The following UFL1 variants were observed in gnomAD, a reference collection of about 807,000 sequenced individuals.
The protein encoded by UFL1 is UFM1 specific ligase 1, also known as E3 UFM1-protein ligase 1.
A neutral mutation model predicts 99.3 loss-of-function variants in UFL1; 78 were observed. The observed-to-expected ratio is 0.79, with a 90% CI of 0.65 to 0.95. UFL1 has a LOEUF of 0.95. UFL1 is among the 40% of genes least tolerant of loss of function. The pLI is 0.00. For missense variants in UFL1, 936 were observed against 937.0 expected (o/e 1.00, Z 0.01); for synonymous variants, 335 against 322.2 (o/e 1.04, Z -0.42).
At chr6:96,533,351 T>C (rs1769809412) in intron 6 of UFL1, among the ~76,000 whole-genome samples, 1 of 152,104 alleles carries the variant, frequency 6.6e-6, no homozygotes, top group Non-Finnish European at 1.5e-5. Context: ...AGAAATAGTT[T>C]ACCTGTCTGT....
Position 96,553,568 on chromosome 6 carries a change from A to G in UFL1, c.*65A>G, listed in dbSNP as rs1245122883. On this transcript the variant is annotated 3_prime_UTR_variant, in exon 19 of 19. Transcript: ENST00000369278. ...CCCAAGGTTGAAGGTGAGTGGTCAC[A>G]AAAAAGTAGTCACTATACAACTCCC... 3.1e-5 allele frequency: 45 copies of G among 1,440,530 alleles called. No individual in the cohort carries two copies. Among genetic ancestry groups the G allele is most frequent in the Non-Finnish European group, 3.8e-5 (40 of 1,053,202 alleles). 89.2% of individuals were successfully genotyped at this position (1,440,530 alleles called of 1,614,324 possible). A position where few individuals can be genotyped will look rare whatever the true frequency, so the allele number is the denominator to read the frequency against.
At chr6:96,522,976 A>AC (rs1769640940) in intron 1 of UFL1, 170 bp from the exon 2 acceptor site, 1 of 494,336 alleles carries the variant, frequency 2.0e-6, no homozygotes, top group South Asian at 4.0e-5. Flanking sequence ...TTACTCTGAA[A>AC]GGTTTTTTTT....
chr6:96,533,969 A>T (rs527598028), intron 6 of UFL1, among the ~76,000 whole-genome samples: 2 of 151,986 alleles, frequency 1.3e-5, no homozygotes, highest in African/African-American at 4.8e-5. Flanking sequence ...TCCCAGACAG[A>T]AAAAACATTG....
Position 96,553,493 on chromosome 6 carries a change from C to A in UFL1, c.2375C>A (p.Thr792Lys). The part of the protein sequence containing the change: ...LVLKSRKSSV[T>K]EE ...CTCAAATCTAGGAAATCATCTGTGA[C>A]GGAAGAGTAATGATCTTAATTTACA... Residue 792 changes from threonine (T) to lysine (K), a missense_variant, in exon 19 of 19, where the codon ACG (threonine) becomes AAG (lysine). By Grantham distance (78) the Thr-to-Lys change is moderately conservative. Transcript: ENST00000369278. 2 of 1,612,796 alleles carry A rather than the reference C, an allele frequency of 1.2e-6. No individual in the cohort carries two copies. The highest frequency in any genetic ancestry group is 1.7e-6 in the Non-Finnish European group (2 of 1,179,342).
At chr6:96,551,708 A>G (rs1166073610) in intron 16 of UFL1, 130 bp from the exon 17 acceptor site, 1 of 749,406 alleles carries the variant, frequency 1.3e-6, no homozygotes, top group South Asian at 2.1e-5. Context: ...CACAATTTCT[A>G]ACTTAATGAG....
Position 96,548,260 on chromosome 6 carries a change from A to T in UFL1, c.1499A>T (p.Glu500Val). The T allele has an allele frequency of 6.3e-7, 1 of 1,599,046 alleles. No individual in the cohort carries two copies. Among genetic ancestry groups the T allele is most frequent in the Non-Finnish European group, 8.5e-7 (1 of 1,173,034 alleles). ...IQDAPEEFIS[E>V]LAEYLIKPLN... ...GATGCCCCTGAGGAGTTTATTTCGG[A>T]ACTTGCTGAGTACTTAATAAAGCAA... is the stretch of plus-strand genomic sequence containing the variant. The change falls in exon 13 of 19, where the codon GAA (glutamate) becomes GTA (valine). Residue 500 changes from glutamate (E) to valine (V), a missense_variant. Physicochemically the swap from Glu to Val is moderately radical, Grantham distance 121 (BLOSUM62 -2). Coordinates refer to ENST00000369278, the MANE Select transcript of UFL1 (RefSeq NM_015323.5).
At chr6:96,544,943 G>A (rs1003352177) in intron 12 of UFL1, among the ~76,000 whole-genome samples, 1 of 150,946 alleles carries the variant, frequency 6.6e-6, no homozygotes, top group African/African-American at 2.4e-5. Context: ...AAAAATTTAT[G>A]TTGTAATCTC....
intron 11 of UFL1, among the ~76,000 whole-genome samples, chr6:96,542,213 TTGTTTCATAA>T: frequency 6.6e-6 from 1 of 151,308 alleles, no homozygotes; most frequent in East Asian, 1.9e-4. Context: ...GTGTTTGCAT[TTGTTTCATAA>T]TTTGTTTTTT....
intron 12 of UFL1, among the ~76,000 whole-genome samples, chr6:96,546,125 G>A (rs140221391): frequency 1.3e-5 from 2 of 151,226 alleles, no homozygotes; most frequent in Non-Finnish European, 3.0e-5. Context: ...AAGCCATAAA[G>A]ACTCCTCCAA....
chr6:96,549,287 ATT>A (rs1770042274), intron 13 of UFL1, 123 bp from the exon 14 acceptor site: 2 of 733,284 alleles, frequency 2.7e-6, no homozygotes, highest in Admixed American at 7.6e-5. Context: ...CTCCAAATTA[ATT>A]TTATTTGCAT....
In UFL1 at chr6:96,542,922, T is replaced by A; in HGVS notation, c.1308T>A (p.Gly436=). The A allele has an allele frequency of 6.3e-7, 1 of 1,597,142 alleles. No individual in the cohort carries two copies. The highest frequency in any genetic ancestry group is 8.5e-7 in the Non-Finnish European group (1 of 1,171,704). ...TEGSGSMRGG[G]GGNAREYKIK... ...GCAGTGGAAGCATGAGAGGAGGAGG[T>A]GGGGGCAATGCCAGAGAGTACAAAA... Residue 436 remains glycine (G), a synonymous_variant, in exon 12 of 19, where the codon GGT becomes GGA. Coordinates refer to ENST00000369278, the MANE Select transcript of UFL1 (RefSeq NM_015323.5).
intron 18 of UFL1, among the ~76,000 whole-genome samples, 179 bp downstream of exon 18, chr6:96,552,841 A>G (rs570688179): frequency 1.3e-5 from 2 of 152,228 alleles, no homozygotes; most frequent in African/African-American, 2.4e-5. Context: ...ATAGCTCAAG[A>G]ATCTTTCAAG....
intron 9 of UFL1, among the ~76,000 whole-genome samples, chr6:96,537,920 A>T (rs1232119252): frequency 6.6e-6 from 1 of 151,842 alleles, no homozygotes; most frequent in African/African-American, 2.4e-5. Flanking sequence ...GTATTAACAC[A>T]AGCTGCCTTG....
intron 5 of UFL1, among the ~76,000 whole-genome samples, chr6:96,527,408 A>G (rs531660909): frequency 2.0e-5 from 3 of 152,118 alleles, no homozygotes; most frequent in Non-Finnish European, 4.4e-5. Context: ...TACTGAAACA[A>G]GGGAGAAGCC....
chr6:96,551,311 C>G lies in UFL1; in HGVS notation c.1819-122C>G, dbSNP rs7775634. On this transcript the variant is annotated intron_variant, in intron 15 of 18. Coordinates refer to ENST00000369278, the MANE Select transcript of UFL1 (RefSeq NM_015323.5). ...AATGTTTTTGTCTCTAATTTGAGAT[C>G]TAAAATTCAAGAATATGGTAAATTC... The G allele has an allele frequency of 2.9e-3, 1,749 of 597,026 alleles. 26 individuals carry two copies. In the African/African-American group the frequency reaches 0.032, roughly 11 times the overall value. 37.0% of individuals were successfully genotyped at this position (597,026 alleles called of 1,614,324 possible).
At chr6:96,540,786 C>A in intron 11 of UFL1, 131 bp downstream of exon 11, 2 of 1,084,122 alleles carry the variant, frequency 1.8e-6, no homozygotes, top group Non-Finnish European at 2.5e-6. Context: ...CTAATATCAA[C>A]CAAATATTTT....
chr6:96,534,219 C>A, intron 6 of UFL1, 44 bp from the exon 7 acceptor site: 1 of 1,306,936 alleles, frequency 7.7e-7, no homozygotes, highest in Non-Finnish European at 1.0e-6. Flanking sequence ...ATCTATAACA[C>A]TATAATGAGT....
chr6:96,530,673 C>A (rs1227652682), intron 6 of UFL1, among the ~76,000 whole-genome samples: 2 of 152,166 alleles, frequency 1.3e-5, no homozygotes, highest in African/African-American at 2.4e-5. Flanking sequence ...CTTTTGCATA[C>A]CCCCATCATT....
chr6:96,548,621 A>T (rs1770033693), intron 13 of UFL1, among the ~76,000 whole-genome samples: 1 of 151,736 alleles, frequency 6.6e-6, no homozygotes, highest in African/African-American at 2.4e-5. Flanking sequence ...AATAACATTC[A>T]AAAGGAAGAA....
Sources: allele counts gnomAD v4.1 joint callset (sites outside exome capture counted in the v4.1 genomes callset), GRCh38; gene constraint gnomAD v4.1.1; transcripts MANE v1.5; gene names NCBI Gene and HGNC (gene_info 2026-07-23, HGNC 2026-07-21).